Variants in DISP1 observed in about 807,000 individuals in gnomAD.
DISP1 encodes dispatched RND transporter family member 1.
Under a neutral mutation model 37.3 loss-of-function variants are expected in DISP1, and 30 were observed. The observed-to-expected ratio is 0.80, with a 90% CI of 0.60 to 1.09. The LOEUF is 1.09. DISP1 is among the 50% of genes least tolerant of loss of function. The pLI is 0.00. For synonymous variants in DISP1, 634 were observed against 690.2 expected (o/e 0.92, Z 1.28); for missense variants, 1,598 against 1,879.5 (o/e 0.85, Z 2.77).
intron 2 of DISP1, among the ~76,000 whole-genome samples, chr1:222,933,161 G>A (rs1042000924): frequency 1.9e-4 from 29 of 152,006 alleles, no homozygotes; most frequent in African/African-American, 5.8e-4. Flanking sequence ...CTGCAATATC[G>A]TTAAGGTTAT....
chr1:222,942,695 A>G, intron 2 of DISP1, 112 bp from the exon 3 acceptor site: 1 of 1,260,630 alleles, frequency 7.9e-7, no homozygotes, highest in Non-Finnish European at 1.1e-6. Flanking sequence ...CTGTCTCACA[A>G]CTCTGCAAGA....
intron 1 of DISP1, among the ~76,000 whole-genome samples, chr1:222,861,445 G>A (rs921791615): frequency 5.3e-5 from 8 of 152,256 alleles, no homozygotes; most frequent in African/African-American, 1.9e-4. Context: ...GTATGTGCAC[G>A]ATTGAAATTA....
At chr1:222,919,094 T>A (rs1672661722) in intron 1 of DISP1, among the ~76,000 whole-genome samples, 3 of 152,356 alleles carry the variant, frequency 2.0e-5, no homozygotes, top group Middle Eastern at 3.4e-3. Flanking sequence ...CAGTTGAATT[T>A]GAATGTGAAG....
intron 1 of DISP1, among the ~76,000 whole-genome samples, chr1:222,857,290 CTG>C (rs988852156): frequency 4.0e-5 from 6 of 151,884 alleles, no homozygotes; most frequent in Admixed American, 2.0e-4. Context: ...AAGAAAAAAA[CTG>C]TGATATAGAA....
intron 3 of DISP1, among the ~76,000 whole-genome samples, chr1:222,943,802 G>T (rs1265865047): frequency 6.6e-6 from 1 of 152,186 alleles, no homozygotes; most frequent in African/African-American, 2.4e-5. Flanking sequence ...GCCGAGGCAG[G>T]CGGATCACTT....
chr1:222,950,928 T>C (rs1364375315), intron 3 of DISP1, among the ~76,000 whole-genome samples: 1 of 152,228 alleles, frequency 6.6e-6, no homozygotes, highest in Non-Finnish European at 1.5e-5. Flanking sequence ...AATTCGGTGT[T>C]GCAAAGAAAT....
chr1:222,982,992 T>G, intron 3 of DISP1, 88 bp from the exon 4 acceptor site: 1 of 986,344 alleles, frequency 1.0e-6, no homozygotes, highest in Non-Finnish European at 1.6e-6. Context: ...AGTAAAATGT[T>G]CAACACATAT....
intron 1 of DISP1, among the ~76,000 whole-genome samples, chr1:222,920,826 G>T (rs1672770792): frequency 6.6e-6 from 1 of 151,864 alleles, no homozygotes; most frequent in Non-Finnish European, 1.5e-5. Flanking sequence ...TAAAATTTTT[G>T]ATAGTATATA....
At position 223,002,961 on chromosome 1, in the gene DISP1, A is replaced by G; in HGVS notation, c.1564A>G (p.Thr522Ala). Residue 522 changes from threonine to alanine, a missense_variant, in exon 9 of 9, where the codon ACC (threonine) becomes GCC (alanine). By Grantham distance (58) the Thr-to-Ala change is moderately conservative (BLOSUM62 0). Coordinates refer to ENST00000675850, the MANE Select transcript of DISP1 (RefSeq NM_001377229.1). ...TGTCCTTTTAGTTATGTGTGTCTAC[A>G]CCAAGTCCATGTTTATCACTCTGAT... ...VIVLLVMCVY[T>A]KSMFITLMTM... 1 of 1,613,916 alleles carries G rather than the reference A, an allele frequency of 6.2e-7. No homozygotes were observed. The highest frequency in any genetic ancestry group is 1.1e-5 in the South Asian group (1 of 91,070).
chr1:222,972,852 A>T (rs1677059189), intron 3 of DISP1, among the ~76,000 whole-genome samples: 1 of 152,130 alleles, frequency 6.6e-6, no homozygotes. Flanking sequence ...AAATTGTCCA[A>T]GACAGTGGTT....
intron 1 of DISP1, among the ~76,000 whole-genome samples, chr1:222,832,493 G>A (rs1328490658): frequency 6.6e-6 from 1 of 152,156 alleles, no homozygotes; most frequent in Non-Finnish European, 1.5e-5. Flanking sequence ...AAAAATTTTA[G>A]TATTTCACGT....
chr1:222,946,619 C>T (rs1674801049), intron 3 of DISP1, among the ~76,000 whole-genome samples: 1 of 152,128 alleles, frequency 6.6e-6, no homozygotes, highest in Non-Finnish European at 1.5e-5. Flanking sequence ...CAAGTTGAGA[C>T]ATTCTTTTGC....
intron 1 of DISP1, among the ~76,000 whole-genome samples, chr1:222,821,946 AC>A (rs1323661403): frequency 6.7e-6 from 1 of 150,214 alleles, no homozygotes. Context: ...CCACCATGTC[AC>A]CATGTAAAAC....
intron 1 of DISP1, among the ~76,000 whole-genome samples, chr1:222,923,866 A>T (rs1421644438): frequency 6.6e-6 from 1 of 152,172 alleles, no homozygotes; most frequent in African/African-American, 2.4e-5. Context: ...GAGCTCTTTG[A>T]AAGGCTGGAA....
At chr1:222,949,442 A>C (rs977439455) in intron 3 of DISP1, among the ~76,000 whole-genome samples, 1 of 152,122 alleles carries the variant, frequency 6.6e-6, no homozygotes, top group African/African-American at 2.4e-5. Context: ...GATCACATTT[A>C]ATATGTCTAT....
At chr1:222,974,979 T>C (rs1167599139) in intron 3 of DISP1, among the ~76,000 whole-genome samples, 1 of 152,220 alleles carries the variant, frequency 6.6e-6, no homozygotes, top group Non-Finnish European at 1.5e-5. Context: ...AAAGACAGTA[T>C]GATACAATCC....
chr1:222,842,337 T>A (rs949884396), intron 1 of DISP1, among the ~76,000 whole-genome samples: 1 of 151,792 alleles, frequency 6.6e-6, no homozygotes, highest in Non-Finnish European at 1.5e-5. Context: ...AGGAATTGTC[T>A]GTTTTATTCT....
At chr1:222,860,838 A>G (rs1472731910) in intron 1 of DISP1, among the ~76,000 whole-genome samples, 1 of 151,982 alleles carries the variant, frequency 6.6e-6, no homozygotes, top group Admixed American at 6.6e-5. Context: ...TCACCACTGC[A>G]CTCCAGCCTG....
intron 2 of DISP1, among the ~76,000 whole-genome samples, chr1:222,937,677 G>A (rs1450639170): frequency 6.6e-6 from 1 of 151,764 alleles, no homozygotes; most frequent in Non-Finnish European, 1.5e-5. Flanking sequence ...GGGGATATGA[G>A]ATTAGAAGCT....
Sources: allele counts gnomAD v4.1 joint callset (sites outside exome capture counted in the v4.1 genomes callset), GRCh38; gene constraint gnomAD v4.1.1; transcripts MANE v1.5; gene names NCBI Gene and HGNC (gene_info 2026-07-23, HGNC 2026-07-21).